PALM2AKAP2: variants seen among roughly 807,000 people sequenced by gnomAD.
PALM2AKAP2 encodes the protein PALM2 and AKAP2 fusion.
Under a neutral mutation model 71.5 loss-of-function variants are expected in PALM2AKAP2, and 37 were observed. The ratio of observed to expected loss-of-function variants is 0.52; its 90% CI spans 0.40 to 0.68. The LOEUF (loss-of-function observed/expected upper bound fraction) is 0.68. Among genes scored for constraint, PALM2AKAP2 ranks in the 30% least tolerant of loss-of-function variants. PALM2AKAP2 has a pLI of 0.00. For missense variants in PALM2AKAP2, 1,224 were observed against 1,191.8 expected, an observed-to-expected ratio of 1.03 and a Z score of -0.40; for synonymous variants, 468 against 478.8, an observed-to-expected ratio of 0.98 and a Z score of 0.29.
intron 6 of PALM2AKAP2, among the ~76,000 whole-genome samples, chr9:109,934,583 A>G (rs1831179732): frequency 2.6e-5 from 4 of 152,246 alleles, no homozygotes; most frequent in South Asian, 2.1e-4. Context: ...TTCTTGATGT[A>G]TCATGCTCAG....
At chr9:109,999,229 C>T (rs1038028545) in intron 6 of PALM2AKAP2, among the ~76,000 whole-genome samples, 3 of 152,032 alleles carry the variant, frequency 2.0e-5, no homozygotes, top group Non-Finnish European at 2.9e-5. Context: ...ATCCCAGCTA[C>T]ATGGGAGGCT....
intron 1 of PALM2AKAP2, among the ~76,000 whole-genome samples, chr9:109,685,746 G>C (rs1827798068): frequency 6.6e-6 from 1 of 152,080 alleles, no homozygotes; most frequent in South Asian, 2.1e-4. Context: ...GGTTGCCAAA[G>C]GTTGGGGTGG....
At chr9:110,144,045 A>G (rs79872088) in intron 2 of PALM2AKAP2, among the ~76,000 whole-genome samples, 2 of 152,196 alleles carry the variant, frequency 1.3e-5, no homozygotes, top group African/African-American at 4.8e-5. Flanking sequence ...TCACAAAGGA[A>G]AGTCTTAGGA....
At chr9:110,133,236 G>A in intron 1 of PALM2AKAP2, among the ~76,000 whole-genome samples, 1 of 152,206 alleles carries the variant, frequency 6.6e-6, no homozygotes, top group East Asian at 1.9e-4. Context: ...GTGAGGAGCG[G>A]AAAAGTGTTC....
At chr9:109,773,861 G>GTGAGACAGGCTCAGAGGGGTCCAGA (rs1554712635) in intron 1 of PALM2AKAP2, among the ~76,000 whole-genome samples, 1 of 36,754 alleles carries the variant, frequency 2.7e-5, no homozygotes. Context: ...GACTGGCTAG[G>GTGAGACAGGCTCAGAGGGGTCCAGA]ATCCATTTAG....
intron 6 of PALM2AKAP2, among the ~76,000 whole-genome samples, chr9:109,993,712 C>T (rs1832523977): frequency 6.6e-6 from 1 of 150,762 alleles, no homozygotes; most frequent in East Asian, 2.0e-4. Context: ...TCCTCATTCT[C>T]CCTCCCCTTC....
intron 1 of PALM2AKAP2, among the ~76,000 whole-genome samples, chr9:109,862,435 A>G (rs180862466): frequency 2.2e-4 from 33 of 152,200 alleles, no homozygotes; most frequent in Non-Finnish European, 2.9e-4. Flanking sequence ...CATTTCTTTT[A>G]TGTGACTTGG....
chr9:109,837,143 C>T (rs996390428), intron 1 of PALM2AKAP2, among the ~76,000 whole-genome samples: 3 of 152,130 alleles, frequency 2.0e-5, no homozygotes, highest in African/African-American at 7.2e-5. Flanking sequence ...GTCAGGTTAC[C>T]CACAAAGGGA....
chr9:109,684,740 A>G (rs552068315), intron 1 of PALM2AKAP2, among the ~76,000 whole-genome samples: 2 of 152,344 alleles, frequency 1.3e-5, no homozygotes, highest in South Asian at 2.1e-4. Context: ...ATTTTGTCAA[A>G]TTGCTGAAAA....
chr9:110,096,284 G>T (rs1183270307), intron 1 of PALM2AKAP2, among the ~76,000 whole-genome samples: 2 of 152,040 alleles, frequency 1.3e-5, no homozygotes, highest in Non-Finnish European at 2.9e-5. Flanking sequence ...GTCTTTATAA[G>T]ACAGGGTCTT....
intron 6 of PALM2AKAP2, among the ~76,000 whole-genome samples, chr9:109,985,370 A>C (rs1021314493): frequency 2.0e-5 from 3 of 151,980 alleles, no homozygotes; most frequent in Admixed American, 2.0e-4. Context: ...GAGTAATCCC[A>C]GCACTTTGGG....
chr9:109,653,283 CAG>C (rs1827251327), intron 1 of PALM2AKAP2, among the ~76,000 whole-genome samples: 1 of 152,112 alleles, frequency 6.6e-6, no homozygotes, highest in African/African-American at 2.4e-5. Flanking sequence ...AAAACCAAAA[CAG>C]AACAAACAAA....
intron 1 of PALM2AKAP2, among the ~76,000 whole-genome samples, chr9:109,671,395 T>C (rs1331753218): frequency 1.3e-5 from 2 of 152,142 alleles, no homozygotes; most frequent in Admixed American, 6.6e-5. Context: ...TCAGGTTTGT[T>C]GAAGAACGGA....
chr9:110,087,477 A>C (rs1452031130), intron 1 of PALM2AKAP2, among the ~76,000 whole-genome samples: 1 of 152,126 alleles, frequency 6.6e-6, no homozygotes, highest in Non-Finnish European at 1.5e-5. Flanking sequence ...CCTCATGTCT[A>C]TTCTTGGAGA....
At chr9:109,865,284 A>C (rs1178293073) in intron 1 of PALM2AKAP2, among the ~76,000 whole-genome samples, 2 of 151,886 alleles carry the variant, frequency 1.3e-5, no homozygotes, top group Non-Finnish European at 2.9e-5. Context: ...TTTTTAGTAT[A>C]GATGGGGTTT....
Position 110,008,618 on chromosome 9 carries a change from A to G in PALM2AKAP2, c.497-7336A>G, listed in dbSNP as rs369864298. The stretch of plus-strand genomic sequence containing the variant: ...GAGTCTAGAAGGACTCCTTCTTCCC[A>G]TGAGGCTGGGCTAGGCTATGCTGGT... On this transcript the variant is annotated intron_variant, in intron 6 of 9. Transcript: ENST00000302798. 1.2e-4 allele frequency among the ~76,000 whole-genome samples: 19 copies of G among 152,208 alleles called. No individual in the cohort carries two copies. The East Asian group carries it at 3.7e-3, about 30-fold the overall frequency.
At position 109,671,496 on chromosome 9, in the gene PALM2AKAP2, G is replaced by T. The variant is rs569859916; in HGVS notation, c.5+30630G>T. Among the ~76,000 whole-genome samples the T allele has an allele frequency of 7.4e-4, 113 of 152,214 alleles. 1 individual carries two copies. The highest frequency in any genetic ancestry group is 2.7e-3 in the African/African-American group (113 of 41,536). On this transcript the variant is annotated intron_variant, in intron 1 of 6. Transcript: ENST00000374531. ...TTTGTACCAGTACCATGTTGTTTTG[G>T]TTACTGTAGCCCTGTAGCATAGTTC... is the stretch of plus-strand genomic sequence containing the variant.
In PALM2AKAP2 at chr9:109,893,049, G is replaced by C. The variant is rs4978856; in HGVS notation, c.257+12368G>C. Among the ~76,000 whole-genome samples, 3 of 152,036 alleles carry C rather than the reference G, an allele frequency of 2.0e-5. No individual in the cohort carries two copies. In the East Asian group the frequency reaches 5.8e-4, roughly 29 times the overall value. Reference sequence around the variant, plus strand: ...GCATGGCATTCCAGAACTCGGGCCCGGTAAGCATCCAGGTCCAAGGGTGCC... The same window carrying C: ...GCATGGCATTCCAGAACTCGGGCCCCGTAAGCATCCAGGTCCAAGGGTGCC... On this transcript the variant is annotated intron_variant, in intron 3 of 9. Transcript: ENST00000302798.
chr9:109,932,789 A>G (rs184074928), intron 6 of PALM2AKAP2, among the ~76,000 whole-genome samples: 36 of 152,358 alleles, frequency 2.4e-4, no homozygotes, highest in African/African-American at 8.2e-4. Flanking sequence ...CCAAGGTTGC[A>G]TGGTTAGTTA....
Sources: gnomAD v4.1 joint callset for allele counts (sites outside exome capture counted in the v4.1 genomes callset) on GRCh38, gnomAD v4.1.1 for gene constraint, MANE v1.5 for transcripts, NCBI Gene and HGNC (gene_info 2026-07-23, HGNC 2026-07-21) for gene names.